The following MATN2 variants were observed in gnomAD, a reference collection of about 807,000 sequenced individuals.
MATN2 encodes the protein matrilin 2, also known as matrilin-2.
Under a neutral mutation model 103.2 loss-of-function variants are expected in MATN2, and 69 were observed. The observed-to-expected ratio is 0.67, with a 90% confidence interval of 0.55 to 0.82. MATN2 has a LOEUF of 0.82. Among genes scored for constraint, MATN2 ranks in the 40% least tolerant of loss-of-function variants. The pLI, the probability that MATN2 is intolerant of heterozygous loss-of-function variation, is 0.00. For synonymous variants in MATN2, 429 were observed against 450.2 expected (o/e 0.95, Z 0.60); for missense variants, 1,023 against 1,211.5 (o/e 0.84, Z 2.31).
At chr8:97,971,422 C>T (rs1007535939) in intron 5 of MATN2, among the ~76,000 whole-genome samples, 1 of 152,054 alleles carries the variant, frequency 6.6e-6, no homozygotes, top group Non-Finnish European at 1.5e-5. Flanking sequence ...CGTTCAATTC[C>T]AGCACCAGAG....
At position 97,907,219 on chromosome 8, in the gene MATN2, T is replaced by C. The variant is rs572279424; in HGVS notation, c.142+18977T>C. 1.3e-3 allele frequency among the ~76,000 whole-genome samples: 195 copies of C among 152,022 alleles called. 2 individuals are homozygous for C. The highest frequency in any genetic ancestry group is 1.9e-3 in the Admixed American group (29 of 15,272). On this transcript the variant is annotated intron_variant, in intron 2 of 18. Transcript: ENST00000254898. Reference sequence around the variant, plus strand: ...TTTCACCATGTTGGCCAGGCTGATCTCGATCTCCTGACCTTAGGTGATCTG... The same window carrying C: ...TTTCACCATGTTGGCCAGGCTGATCCCGATCTCCTGACCTTAGGTGATCTG...
At chr8:98,004,286 C>CAAA in intron 8 of MATN2, 2 of 138,046 alleles carry the variant, frequency 1.4e-5, no homozygotes, top group Admixed American at 6.9e-5. Context: ...AACTTCATCT[C>CAAA]AAAAAAAAAA....
chr8:98,031,853 G>A, intron 15 of MATN2: 1 of 158,676 alleles, frequency 6.3e-6, no homozygotes, highest in Non-Finnish European at 1.4e-5. Flanking sequence ...GGGAGGGAAG[G>A]CCTTTCAGAT....
At chr8:97,973,832 A>T (rs1811744109) in intron 5 of MATN2, among the ~76,000 whole-genome samples, 1 of 151,986 alleles carries the variant, frequency 6.6e-6, no homozygotes, top group African/African-American at 2.4e-5. Context: ...GGCCTCCCAA[A>T]GTGCTGGGAT....
intron 4 of MATN2, among the ~76,000 whole-genome samples, chr8:97,958,345 G>A (rs1379908362): frequency 1.3e-5 from 2 of 152,172 alleles, no homozygotes; most frequent in Non-Finnish European, 2.9e-5. Flanking sequence ...TCCAGAGCTG[G>A]TTCCAGCATG....
chr8:97,909,860 T>G (rs1819306809), intron 2 of MATN2, among the ~76,000 whole-genome samples: 2 of 152,008 alleles, frequency 1.3e-5, no homozygotes, highest in Non-Finnish European at 2.9e-5. Context: ...CTTGGCTCAC[T>G]GCAAGCTCCG....
intron 6 of MATN2, among the ~76,000 whole-genome samples, chr8:97,985,122 C>T (rs903417871): frequency 2.6e-5 from 4 of 152,088 alleles, no homozygotes; most frequent in Non-Finnish European, 5.9e-5. Context: ...ATTCTGCTGG[C>T]GGGAAGACTG....
intron 10 of MATN2, among the ~76,000 whole-genome samples, chr8:98,010,228 C>T (rs938276311): frequency 6.6e-6 from 1 of 152,110 alleles, no homozygotes; most frequent in Non-Finnish European, 1.5e-5. Flanking sequence ...CCATGGGTAA[C>T]CTCCTCTCCC....
At chr8:97,897,043 G>C (rs1038173878) in intron 2 of MATN2, among the ~76,000 whole-genome samples, 1 of 152,070 alleles carries the variant, frequency 6.6e-6, no homozygotes, top group Non-Finnish European at 1.5e-5. Context: ...CAATATGGCC[G>C]GGCTGGGCAG....
At chr8:97,918,660 G>A (rs1422407863) in intron 2 of MATN2, among the ~76,000 whole-genome samples, 2 of 152,344 alleles carry the variant, frequency 1.3e-5, no homozygotes, top group South Asian at 2.1e-4. Flanking sequence ...TTAGGCGACT[G>A]TGTCTTGAGT....
At chr8:98,001,336 C>T (rs1436415486) in intron 7 of MATN2, among the ~76,000 whole-genome samples, 3 of 152,166 alleles carry the variant, frequency 2.0e-5, no homozygotes, top group African/African-American at 7.2e-5. Flanking sequence ...TTTACATTTT[C>T]ATCCTTGTCA....
Position 98,003,659 on chromosome 8 carries a change from A to T in MATN2, c.1205-2A>T. 6.2e-7 allele frequency: 1 copy of T among 1,613,666 alleles called. No individual in the cohort carries two copies. The highest frequency in any genetic ancestry group is 8.5e-7 in the Non-Finnish European group (1 of 1,179,680). On this transcript the variant is annotated splice_acceptor_variant, in intron 7 of 18. Coordinates refer to ENST00000254898, the MANE Select transcript of MATN2 (RefSeq NM_002380.5). LOFTEE classifies it high-confidence loss of function. Reference sequence around the variant, plus strand: ...AGGAAGGTCTGCCCTTCTTCCCCTCAGGGATCAACTACTGTGCACTGAACA... The same window carrying T: ...AGGAAGGTCTGCCCTTCTTCCCCTCTGGGATCAACTACTGTGCACTGAACA...
chr8:97,985,518 T>TC (rs1286128346), intron 6 of MATN2, among the ~76,000 whole-genome samples: 1 of 152,212 alleles, frequency 6.6e-6, no homozygotes, highest in Non-Finnish European at 1.5e-5. Context: ...ACAGGACACT[T>TC]CCCACATTGT....
At chr8:97,953,119 C>T (rs1226797067) in intron 4 of MATN2, among the ~76,000 whole-genome samples, 4 of 151,552 alleles carry the variant, frequency 2.6e-5, no homozygotes, top group Admixed American at 6.6e-5. Context: ...GACAAGATGT[C>T]GTTCTGTTGC....
intron 1 of MATN2, among the ~76,000 whole-genome samples, chr8:97,883,351 A>C (rs565589411): frequency 1.3e-3 from 204 of 151,726 alleles, no homozygotes; most frequent in Non-Finnish European, 2.4e-3. Context: ...TATTTTACAA[A>C]TATTTTCTAC....
rs567965757 is a variant in MATN2 at position 97,966,399 on chromosome 8, A to T, written c.958+4869A>T. ...AGCAAGACCCTATATCTACAAAAAA[A>T]TTAAGAAATTAGCTGGGTATGGTGG... On this transcript the variant is annotated intron_variant, in intron 5 of 18. Transcript: ENST00000254898. Among the ~76,000 whole-genome samples the T allele has an allele frequency of 5.9e-4, 90 of 152,028 alleles. 2 individuals carry two copies. In the South Asian group the frequency reaches 0.016, roughly 27 times the overall value.
chr8:97,891,927 C>T (rs1818646565), intron 2 of MATN2, among the ~76,000 whole-genome samples: 1 of 151,230 alleles, frequency 6.6e-6, no homozygotes, highest in African/African-American at 2.4e-5. Context: ...CATAGGGATA[C>T]CTTGTCTCTA....
At chr8:97,918,558 C>T (rs1163291143) in intron 2 of MATN2, among the ~76,000 whole-genome samples, 1 of 152,234 alleles carries the variant, frequency 6.6e-6, no homozygotes, top group Non-Finnish European at 1.5e-5. Context: ...CACATTTGAA[C>T]TCCGGTAGGT....
Position 97,893,076 on chromosome 8 carries a change from T to C in MATN2, c.142+4834T>C, listed in dbSNP as rs533867157. Among the ~76,000 whole-genome samples, 6 of 152,274 alleles carry C rather than the reference T, an allele frequency of 3.9e-5. No homozygotes were observed. In the South Asian group the frequency reaches 1.2e-3, roughly 32 times the overall value. On this transcript the variant is annotated intron_variant, in intron 2 of 18. Coordinates refer to ENST00000254898, the MANE Select transcript of MATN2 (RefSeq NM_002380.5). ...CTTCATTTTGCAGGGGTAGGAGCTGTGGAGGGCTTTAAGCAGTCAACAGTG... is the reference window on the plus strand; with the variant it reads ...CTTCATTTTGCAGGGGTAGGAGCTGCGGAGGGCTTTAAGCAGTCAACAGTG...
Sources: allele counts gnomAD v4.1 joint callset (sites outside exome capture counted in the v4.1 genomes callset), GRCh38; gene constraint gnomAD v4.1.1; transcripts MANE v1.5; gene names NCBI Gene and HGNC (gene_info 2026-07-23, HGNC 2026-07-21).